ENPP2: variants seen among roughly 807,000 people sequenced by gnomAD.
ENPP2 encodes autotaxin.
Under a neutral mutation model 120.2 loss-of-function variants are expected in ENPP2, and 51 were observed. The ratio of observed to expected loss-of-function variants is 0.42; its 90% CI spans 0.34 to 0.54. The LOEUF is 0.54. Ranked by LOEUF, ENPP2 falls within the 20% of genes least tolerant of loss-of-function variation. The pLI is 0.04. For missense variants in ENPP2, 920 were observed against 1,066.5 expected (o/e 0.86, Z 1.91); for synonymous variants, 365 against 366.4 (o/e 1.00, Z 0.04).
At chr8:119,651,676 C>T (rs993302069) in intron 1 of ENPP2, among the ~76,000 whole-genome samples, 1 of 152,068 alleles carries the variant, frequency 6.6e-6, no homozygotes, top group Non-Finnish European at 1.5e-5. Context: ...ATAATAGGAG[C>T]CACAGATTAA....
At chr8:119,601,596 A>C in intron 9 of ENPP2, 134 bp from the exon 10 acceptor site, 1 of 650,992 alleles carries the variant, frequency 1.5e-6, no homozygotes, top group Non-Finnish European at 2.8e-6. Flanking sequence ...ATTTGTAGTA[A>C]AAGGCCCTCT....
upstream of ENPP2, among the ~76,000 whole-genome samples, chr8:119,642,612 C>A (rs2130854610): frequency 6.6e-6 from 1 of 152,286 alleles, no homozygotes; most frequent in South Asian, 2.1e-4. Context: ...TTATTAATAA[C>A]ATTCACTATT....
intron 3 of ENPP2, among the ~76,000 whole-genome samples, chr8:119,622,224 TA>T (rs1815957205): frequency 6.6e-6 from 1 of 152,218 alleles, no homozygotes; most frequent in African/African-American, 2.4e-5. Flanking sequence ...CCACAGCACC[TA>T]GCCTAAAGTA....
At chr8:119,582,685 T>A (rs1011690828) in intron 17 of ENPP2, 83 bp from the exon 18 acceptor site, 30 of 1,000,704 alleles carry the variant, frequency 3.0e-5, no homozygotes, top group Non-Finnish European at 4.1e-5. Context: ...CTTCACCTTC[T>A]ATGGGTCTGA....
chr8:119,583,235 C>G lies in ENPP2; in HGVS notation c.1543+482G>C, dbSNP rs914706527. On this transcript the variant is annotated intron_variant, in intron 17 of 24. Coordinates refer to ENST00000075322, the MANE Select transcript of ENPP2 (RefSeq NM_001040092.3). Reference sequence around the variant, plus strand: ...AGGAGACCCGACTTGCAGACTCCCCCTCTAACCACCAGACTGGCACTCCCT... The same window carrying G: ...AGGAGACCCGACTTGCAGACTCCCCGTCTAACCACCAGACTGGCACTCCCT... Among the ~76,000 whole-genome samples, 8 of 152,312 alleles carry G rather than the reference C, an allele frequency of 5.3e-5. No individual in the cohort carries two copies. In the East Asian group the frequency reaches 1.5e-3, roughly 29 times the overall value.
At chr8:119,576,604 T>C (rs1257065511) in intron 19 of ENPP2, among the ~76,000 whole-genome samples, 1 of 152,126 alleles carries the variant, frequency 6.6e-6, no homozygotes, top group African/African-American at 2.4e-5. Context: ...GTAAATAGAG[T>C]AAAGACCAAG....
intron 9 of ENPP2, among the ~76,000 whole-genome samples, chr8:119,602,417 A>G (rs1460833048): frequency 1.3e-5 from 2 of 151,294 alleles, no homozygotes; most frequent in African/African-American, 2.4e-5. Flanking sequence ...AGATTACAGC[A>G]TTACACTACA....
chr8:119,609,626 G>T (rs1465974469), intron 8 of ENPP2, among the ~76,000 whole-genome samples: 3 of 152,164 alleles, frequency 2.0e-5, no homozygotes, highest in Admixed American at 6.5e-5. Flanking sequence ...CCAGCAAGAA[G>T]ATGAGCTCAA....
At chr8:119,624,945 C>G (rs1011975331) in intron 3 of ENPP2, among the ~76,000 whole-genome samples, 3 of 152,092 alleles carry the variant, frequency 2.0e-5, no homozygotes, top group Non-Finnish European at 4.4e-5. Flanking sequence ...GATATGTTAT[C>G]TTTGTACACA....
At chr8:119,564,328 T>A (rs943903661) in intron 23 of ENPP2, among the ~76,000 whole-genome samples, 5 of 152,166 alleles carry the variant, frequency 3.3e-5, no homozygotes, top group African/African-American at 1.2e-4. Context: ...GTGCATTTAT[T>A]TACCACAAAA....
chr8:119,659,151 CA>C (rs1023500933), intron 1 of ENPP2, among the ~76,000 whole-genome samples: 1 of 151,156 alleles, frequency 6.6e-6, no homozygotes, highest in Non-Finnish European at 1.5e-5. Flanking sequence ...CCCATCTCTA[CA>C]AAAAAAACAC....
intron 24 of ENPP2, among the ~76,000 whole-genome samples, chr8:119,562,358 A>T (rs1172583502): frequency 1.3e-5 from 2 of 151,742 alleles, no homozygotes; most frequent in Non-Finnish European, 2.9e-5. Context: ...CAGGAGAATC[A>T]CTTGAATGCA....
intron 17 of ENPP2, 83 bp downstream of exon 17, chr8:119,583,634 T>A (rs1158755150): frequency 1.3e-6 from 1 of 780,118 alleles, no homozygotes; most frequent in East Asian, 2.5e-5. Flanking sequence ...AATAGACACC[T>A]CATTTCTTTC....
intron 3 of ENPP2, among the ~76,000 whole-genome samples, chr8:119,626,276 A>G (rs765970700): frequency 2.0e-5 from 3 of 152,198 alleles, no homozygotes; most frequent in Non-Finnish European, 4.4e-5. Flanking sequence ...TGACAGAAAG[A>G]TATAGAAAGG....
At chr8:119,624,180 T>G (rs950068104) in intron 3 of ENPP2, among the ~76,000 whole-genome samples, 3 of 152,156 alleles carry the variant, frequency 2.0e-5, no homozygotes, top group African/African-American at 7.2e-5. Context: ...TAAGCTATGT[T>G]TATTGAGGAA....
intron 13 of ENPP2, among the ~76,000 whole-genome samples, chr8:119,589,992 T>A (rs1358788058): frequency 6.6e-6 from 1 of 152,190 alleles, no homozygotes; most frequent in East Asian, 1.9e-4. Flanking sequence ...GGGCTTAATA[T>A]CTTTTCCTAC....
chr8:119,659,288 G>A (rs1817852221), intron 1 of ENPP2, among the ~76,000 whole-genome samples: 2 of 137,570 alleles, frequency 1.5e-5, no homozygotes, highest in Non-Finnish European at 3.1e-5. Flanking sequence ...CTGCACTCCA[G>A]CCTGGACTAC....
chr8:119,617,293 T>A (rs765115685), intron 6 of ENPP2, 50 bp from the exon 7 acceptor site: 35 of 1,441,912 alleles, frequency 2.4e-5, no homozygotes, highest in Non-Finnish European at 3.4e-5. Flanking sequence ...CAGGAATTGC[T>A]TATAGAAAAT....
At chr8:119,658,555 A>C (rs1490824675) in intron 1 of ENPP2, among the ~76,000 whole-genome samples, 1 of 152,322 alleles carries the variant, frequency 6.6e-6, no homozygotes, top group South Asian at 2.1e-4. Context: ...CTAGCTGGCT[A>C]ATTTTGGAAA....
Sources: allele counts gnomAD v4.1 joint callset (sites outside exome capture counted in the v4.1 genomes callset), GRCh38; gene constraint gnomAD v4.1.1; transcripts MANE v1.5; gene names NCBI Gene and HGNC (gene_info 2026-07-23, HGNC 2026-07-21).